RFX3: variants seen among roughly 807,000 people sequenced by gnomAD.
RFX3 encodes regulatory factor X3, also known as transcription factor RFX3.
A neutral mutation model predicts 98.6 loss-of-function variants in RFX3; 14 were observed. The ratio of observed to expected loss-of-function variants is 0.14; its 90% confidence interval spans 0.09 to 0.22. The LOEUF is 0.22. Among genes scored for constraint, RFX3 ranks in the 10% least tolerant of loss-of-function variants. The probability of loss-of-function intolerance (pLI) is 1.00; values close to 1 mark genes in which losing one functional copy is unlikely to be tolerated. For synonymous variants in RFX3, 383 were observed against 328.4 expected (o/e 1.17, Z -1.80); for missense variants, 639 against 926.9 (o/e 0.69, Z 4.03).
chr9:3,316,408 C>T (rs948031798), intron 4 of RFX3, among the ~76,000 whole-genome samples: 3 of 152,144 alleles, frequency 2.0e-5, no homozygotes, highest in African/African-American at 7.2e-5. Context: ...GACAAACCCA[C>T]AACGAATATC....
chr9:3,490,840 T>G (rs1850667762), intron 1 of RFX3, among the ~76,000 whole-genome samples: 1 of 152,112 alleles, frequency 6.6e-6, no homozygotes, highest in Non-Finnish European at 1.5e-5. Context: ...AAAGATCTTT[T>G]GTTCAAGGAA....
intron 1 of RFX3, among the ~76,000 whole-genome samples, chr9:3,474,536 T>C (rs1170774326): frequency 1.3e-5 from 2 of 152,208 alleles, no homozygotes; most frequent in Non-Finnish European, 2.9e-5. Context: ...ATAATATCAA[T>C]GACGCTTTTA....
intron 2 of RFX3, among the ~76,000 whole-genome samples, chr9:3,393,932 T>G (rs1840580364): frequency 6.6e-6 from 1 of 152,184 alleles, no homozygotes; most frequent in African/African-American, 2.4e-5. Flanking sequence ...CACCATTATG[T>G]AATTTAGCCA....
chr9:3,318,554 A>T (rs1377782536), intron 4 of RFX3, among the ~76,000 whole-genome samples: 2 of 151,218 alleles, frequency 1.3e-5, no homozygotes, highest in Admixed American at 6.6e-5. Flanking sequence ...AAATTAAAAA[A>T]AAAAAAAAGC....
chr9:3,366,672 CTCTT>C (rs1242251510), intron 2 of RFX3, among the ~76,000 whole-genome samples: 1 of 112,228 alleles, frequency 8.9e-6, no homozygotes, highest in African/African-American at 3.6e-5. Context: ...CTTTCTCTTT[CTCTT>C]TCTTTCTTCT....
At chr9:3,254,396 G>A (rs1394577150) in intron 14 of RFX3, among the ~76,000 whole-genome samples, 1 of 152,036 alleles carries the variant, frequency 6.6e-6, no homozygotes, top group Admixed American at 6.5e-5. Context: ...CTCTGCCTTT[G>A]GTCATATAAG....
At chr9:3,373,448 C>CT (rs1284614686) in intron 2 of RFX3, among the ~76,000 whole-genome samples, 1 of 151,932 alleles carries the variant, frequency 6.6e-6, no homozygotes, top group Non-Finnish European at 1.5e-5. Flanking sequence ...TCTTTGACAC[C>CT]TATGTAGTTT....
intron 1 of RFX3, among the ~76,000 whole-genome samples, chr9:3,461,303 T>A (rs1010937835): frequency 2.0e-5 from 3 of 151,922 alleles, no homozygotes; most frequent in African/African-American, 7.2e-5. Context: ...TTCCCAATCA[T>A]CCAAAACAAT....
chr9:3,495,317 G>C lies in RFX3; in HGVS notation c.-9+30430C>G, dbSNP rs185892500. On this transcript the variant is annotated intron_variant, in intron 1 of 16. Coordinates refer to ENST00000617270, the MANE Select transcript of RFX3 (RefSeq NM_001282116.2). ...AATTAAGCATAAAAGGTAAAATTAT[G>C]TTCTACATTTCTACAAGTGGTCAAC... Among the ~76,000 whole-genome samples the C allele has an allele frequency of 4.0e-3, 605 of 152,006 alleles. 1 individual carries two copies. The highest frequency in any genetic ancestry group is 0.014 in the African/African-American group (571 of 41,496).
At chr9:3,266,342 T>G (rs745641873) in intron 11 of RFX3, 37 bp from the exon 12 acceptor site, 6 of 1,282,106 alleles carry the variant, frequency 4.7e-6, no homozygotes, top group Non-Finnish European at 6.8e-6. Context: ...TAAAAAAAAG[T>G]ATGAAAGAAT....
chr9:3,219,462 ACAAAG>A lies in RFX3; in HGVS notation c.*5575_*5579del, dbSNP rs1308317680. On this transcript the variant is annotated 3_prime_UTR_variant, in exon 17 of 17. Transcript: ENST00000617270. ...ATCATAATTTATTTAAAAAAAAAAA[ACAAAG>A]GAAAGAGGGGAGAAAAAGAATCAAA... is the stretch of plus-strand genomic sequence containing the variant. 1 of 151,772 alleles carries A rather than the reference ACAAAG, an allele frequency of 6.6e-6. No homozygotes were observed. The allele number at this position is 151,772 out of a possible 1,614,324, so 9.4% of individuals were successfully genotyped here.
chr9:3,408,161 T>C (rs1842126271), intron 1 of RFX3, among the ~76,000 whole-genome samples: 1 of 152,192 alleles, frequency 6.6e-6, no homozygotes, highest in African/African-American at 2.4e-5. Flanking sequence ...CTCCCTGACC[T>C]TTACATTTGA....
At chr9:3,469,357 C>T (rs1970534) in intron 1 of RFX3, among the ~76,000 whole-genome samples, 54,182 of 151,966 alleles carry the variant, frequency 0.36, 15,781 homozygotes, top group African/African-American at 0.78. Context: ...ATACTTCGTT[C>T]TGAATTTTCT....
At chr9:3,345,014 C>G (rs1378010625) in intron 3 of RFX3, 4 of 570,670 alleles carry the variant, frequency 7.0e-6, no homozygotes, top group Admixed American at 6.9e-5. Flanking sequence ...GTAAATAAAA[C>G]AAAATGCCAA....
At chr9:3,521,167 G>A (rs1319527835) in intron 1 of RFX3, among the ~76,000 whole-genome samples, 2 of 152,046 alleles carry the variant, frequency 1.3e-5, no homozygotes, top group Non-Finnish European at 2.9e-5. Context: ...GAAGTATAAA[G>A]CCACATATCG....
intron 1 of RFX3, among the ~76,000 whole-genome samples, chr9:3,515,667 C>T (rs1034653718): frequency 6.6e-6 from 1 of 152,162 alleles, no homozygotes; most frequent in African/African-American, 2.4e-5. Flanking sequence ...GGAAACTTAA[C>T]TGACAAGCAA....
rs117807881 is a variant in RFX3 at position 3,422,157 on chromosome 9, C to T, written c.-8-26561G>A. On this transcript the variant is annotated intron_variant, in intron 1 of 16. Transcript: ENST00000617270. Reference sequence around the variant, plus strand: ...AACTGAACCCATGGGATTTACCTCACGTGAAAACTCTTCAGCTAAATCTTC... The same window carrying T: ...AACTGAACCCATGGGATTTACCTCATGTGAAAACTCTTCAGCTAAATCTTC... Among the ~76,000 whole-genome samples, 706 of 152,302 alleles carry T rather than the reference C, an allele frequency of 4.6e-3. 4 individuals carry two copies. Among genetic ancestry groups the T allele is most frequent in the Non-Finnish European group, 7.9e-3 (539 of 68,024 alleles).
At chr9:3,508,363 T>A (rs978348530) in intron 1 of RFX3, among the ~76,000 whole-genome samples, 7 of 151,930 alleles carry the variant, frequency 4.6e-5, no homozygotes, top group African/African-American at 1.7e-4. Context: ...CCATTCTAAT[T>A]TATGAGTCAG....
At chr9:3,443,566 T>C (rs563989131) in intron 1 of RFX3, among the ~76,000 whole-genome samples, 1 of 152,222 alleles carries the variant, frequency 6.6e-6, no homozygotes, top group East Asian at 1.9e-4. Context: ...TAATATTACA[T>C]GGTGTATATG....
Sources: gnomAD v4.1 joint callset for allele counts (sites outside exome capture counted in the v4.1 genomes callset) on GRCh38, gnomAD v4.1.1 for gene constraint, MANE v1.5 for transcripts, NCBI Gene and HGNC (gene_info 2026-07-23, HGNC 2026-07-21) for gene names.